The following CCDC73 variants were observed in gnomAD, a reference collection of about 807,000 sequenced individuals.
CCDC73 encodes the protein coiled-coil domain containing 73.
Under a neutral mutation model 116.5 loss-of-function variants are expected in CCDC73, and 95 were observed. That is an observed-to-expected ratio of 0.82 (90% CI 0.69 to 0.97). CCDC73 has a LOEUF of 0.97. Ranked by LOEUF, CCDC73 falls within the 50% of genes least tolerant of loss-of-function variation. CCDC73 has a pLI of 0.00. For synonymous variants in CCDC73, 398 were observed against 401.3 expected, an observed-to-expected ratio of 0.99 and a Z score of 0.10; for missense variants, 1,066 against 1,206.8, an observed-to-expected ratio of 0.88 and a Z score of 1.73.
intron 9 of CCDC73, among the ~76,000 whole-genome samples, chr11:32,667,215 C>T (rs1228831791): frequency 5.5e-4 from 84 of 152,332 alleles, no homozygotes; most frequent in Non-Finnish European, 1.6e-4. Context: ...TTTAAGTCTG[C>T]AGAGGTTTCT....
rs1184532412 is a variant in CCDC73 at position 32,718,142 on chromosome 11, T to C, written c.141A>G (p.Ala47=). Residue 47 remains alanine, a synonymous_variant, in exon 3 of 18, where the codon GCA becomes GCG. Coordinates refer to ENST00000335185, the MANE Select transcript of CCDC73 (RefSeq NM_001008391.4). The stretch of plus-strand genomic sequence containing the variant: ...CAATCTGCTCTTCATAATGAATTTC[T>C]GCTTCCTAAGTCAAAAAGAAAAAGA... ...ALEELRMRRE[A]EIHYEEQIGK... The C allele has an allele frequency of 6.3e-7, 1 of 1,598,534 alleles. No homozygotes were observed. The highest frequency in any genetic ancestry group is 1.7e-5 in the Admixed American group (1 of 58,154).
intron 14 of CCDC73, among the ~76,000 whole-genome samples, chr11:32,619,763 TGAA>T (rs1477186107): frequency 3.6e-5 from 5 of 137,312 alleles, no homozygotes; most frequent in African/African-American, 1.4e-4. Flanking sequence ...GAGGAGGAGA[TGAA>T]GAAGGAGCAG....
intron 1 of CCDC73, among the ~76,000 whole-genome samples, chr11:32,777,382 G>C (rs1214707818): frequency 6.6e-6 from 1 of 151,986 alleles, no homozygotes; most frequent in Admixed American, 6.6e-5. Flanking sequence ...TGGGATTATA[G>C]GTGTGAGCCA....
intron 2 of CCDC73, among the ~76,000 whole-genome samples, chr11:32,739,413 T>A (rs1198248388): frequency 1.3e-5 from 2 of 152,130 alleles, no homozygotes; most frequent in African/African-American, 4.8e-5. Flanking sequence ...AGCATTCAAT[T>A]CTTTGATTAA....
chr11:32,675,225 A>G (rs1000932652), intron 9 of CCDC73, among the ~76,000 whole-genome samples: 1 of 152,204 alleles, frequency 6.6e-6, no homozygotes, highest in African/African-American at 2.4e-5. Flanking sequence ...TCATAGCTGT[A>G]TCCTTAGTGC....
At chr11:32,682,435 A>G (rs1280701892) in intron 7 of CCDC73, 1 of 151,964 alleles carries the variant, frequency 6.6e-6, no homozygotes, top group Non-Finnish European at 1.5e-5. Context: ...CTTTTATTCA[A>G]TCAAGCTTAG....
chr11:32,678,062 T>G (rs750022066), intron 7 of CCDC73, among the ~76,000 whole-genome samples: 4 of 151,228 alleles, frequency 2.6e-5, no homozygotes, highest in Non-Finnish European at 5.9e-5. Context: ...GCAGATCATT[T>G]GAAGTCAGGA....
rs759413955 is a variant in CCDC73 at position 32,613,459 on chromosome 11, AT to A, written c.2858del (p.Asn953IlefsTer25). ...KKIISMALCK[N>X]IGVDDVGKDI... ...CCTTTCCAACATCATCCACACCAAT[AT>A]TTTTACAAAGAGCCATTGAAATGAT... On this transcript the variant is annotated frameshift_variant, in exon 16 of 18. Coordinates refer to ENST00000335185, the MANE Select transcript of CCDC73 (RefSeq NM_001008391.4). LOFTEE classifies it high-confidence loss of function. 9 of 1,613,642 alleles carry A rather than the reference AT, an allele frequency of 5.6e-6. No homozygotes were observed. The highest frequency in any genetic ancestry group is 4.4e-5 in the South Asian group (4 of 91,006).
At chr11:32,825,405 C>T in the CCDC73 span, among the ~76,000 whole-genome samples, 2 of 147,890 alleles carry the variant, frequency 1.4e-5, no homozygotes, top group African/African-American at 2.5e-5. Flanking sequence ...TGGGTTCAAG[C>T]GATTCTGCTA....
At chr11:32,673,685 C>T (rs1856059139) in intron 9 of CCDC73, among the ~76,000 whole-genome samples, 1 of 152,188 alleles carries the variant, frequency 6.6e-6, no homozygotes, top group South Asian at 2.1e-4. Context: ...TTTGGCCTCA[C>T]TAATGTTTTA....
At position 32,760,175 on chromosome 11, in the gene CCDC73, AAAC is replaced by A. The variant is rs1850379186; in HGVS notation, c.66_68del (p.Leu22del). On this transcript the variant is annotated inframe_deletion, in exon 2 of 18. Transcript: ENST00000335185. ...TTTTGAAATCTAATAGCTGAATAGA[AAAC>A]AATGTCTCTGAAGAACTTTGAAGAG... 6.2e-7 allele frequency: 1 copy of A among 1,601,796 alleles called. No homozygotes were observed. Among genetic ancestry groups the A allele is most frequent in the African/African-American group, 1.3e-5 (1 of 74,464 alleles).
intron 7 of CCDC73, chr11:32,680,565 A>G (rs1329900602): frequency 6.6e-6 from 1 of 152,104 alleles, no homozygotes; most frequent in Non-Finnish European, 1.5e-5. Context: ...GCTTACTTTA[A>G]AGCCTTGAAG....
At chr11:32,623,971 C>T (rs1855545769) in intron 14 of CCDC73, among the ~76,000 whole-genome samples, 1 of 152,068 alleles carries the variant, frequency 6.6e-6, no homozygotes, top group African/African-American at 2.4e-5. Flanking sequence ...GACAGGTACT[C>T]ATACATGGCT....
At chr11:32,680,518 G>C (rs1259805929) in intron 7 of CCDC73, 1 of 152,060 alleles carries the variant, frequency 6.6e-6, no homozygotes, top group African/African-American at 2.4e-5. Context: ...CGGAAAAATA[G>C]CATATCCATA....
At chr11:32,706,814 C>G (rs1450941945) in intron 3 of CCDC73, among the ~76,000 whole-genome samples, 2 of 152,172 alleles carry the variant, frequency 1.3e-5, no homozygotes, top group Non-Finnish European at 2.9e-5. Flanking sequence ...TCCTTTACAA[C>G]ATCATGCCCA....
At chr11:32,755,813 C>G (rs1304341452) in intron 2 of CCDC73, among the ~76,000 whole-genome samples, 2 of 128,106 alleles carry the variant, frequency 1.6e-5, no homozygotes, top group South Asian at 4.8e-4. Flanking sequence ...ATATATATAT[C>G]TCCATATATA....
intron 1 of CCDC73, among the ~76,000 whole-genome samples, chr11:32,775,288 A>G (rs1011639338): frequency 6.6e-6 from 1 of 152,180 alleles, no homozygotes; most frequent in Non-Finnish European, 1.5e-5. Context: ...TAAGGCCTAT[A>G]GGCTTGCTGT....
chr11:32,762,909 A>G (rs1850404445), intron 1 of CCDC73, among the ~76,000 whole-genome samples: 4 of 152,088 alleles, frequency 2.6e-5, no homozygotes. Flanking sequence ...CTAATACTGC[A>G]CTTTTCCAAG....
chr11:32,829,704 A>C, the CCDC73 span: 4 of 897,260 alleles, frequency 4.5e-6, no homozygotes, highest in East Asian at 3.6e-4. Flanking sequence ...CGCCGAGTGC[A>C]GACACAAATC....
Sources: gnomAD v4.1 joint callset for allele counts (sites outside exome capture counted in the v4.1 genomes callset) on GRCh38, gnomAD v4.1.1 for gene constraint, MANE v1.5 for transcripts, NCBI Gene and HGNC (gene_info 2026-07-23, HGNC 2026-07-21) for gene names.